The following ATP2C2 variants were observed in gnomAD, a reference collection of about 807,000 sequenced individuals.
ATP2C2 encodes the protein ATPase secretory pathway Ca2+ transporting 2.
ATP2C2 carries 171 observed loss-of-function variants against 110.8 expected under a neutral mutation model. The ratio of observed to expected loss-of-function variants is 1.54; its 90% CI spans 1.36 to 1.75. The LOEUF is 1.75. Ranked by LOEUF, ATP2C2 falls within the 40% of genes most tolerant of loss-of-function variation. The pLI, the probability that ATP2C2 is intolerant of heterozygous loss-of-function variation, is 0.00. For synonymous variants in ATP2C2, 804 were observed against 508.4 expected, an observed-to-expected ratio of 1.58 and a Z score of -7.82; for missense variants, 1,963 against 1,235.0, an observed-to-expected ratio of 1.59 and a Z score of -8.84.
At position 84,411,867 on chromosome 16, in the gene ATP2C2, C is replaced by T. The variant is rs562117943; in HGVS notation, c.515+1102C>T. Among the ~76,000 whole-genome samples the T allele has an allele frequency of 3.9e-5, 6 of 152,292 alleles. No homozygotes were observed. In the South Asian group the frequency reaches 1.2e-3, roughly 32 times the overall value. On this transcript the variant is annotated intron_variant, in intron 6 of 26. Transcript: ENST00000262429. ...CGGGGGCCCTTCTAGGAACAGCTGC[C>T]ATTGGTGGAGGAAGCTGACAGGCCC... is the stretch of plus-strand genomic sequence containing the variant.
At chr16:84,436,819 A>G (rs1157866312) in intron 11 of ATP2C2, among the ~76,000 whole-genome samples, 4 of 144,662 alleles carry the variant, frequency 2.8e-5, no homozygotes, top group African/African-American at 7.7e-5. Context: ...CTGGAGTGCA[A>G]TGGCACCATC....
intron 1 of ATP2C2, among the ~76,000 whole-genome samples, chr16:84,377,992 G>T (rs1043986328): frequency 2.0e-5 from 3 of 152,156 alleles, no homozygotes; most frequent in African/African-American, 7.2e-5. Flanking sequence ...AGAGAAGAGA[G>T]CTCAGCAGAG....
chr16:84,386,369 A>G (rs556969449), intron 1 of ATP2C2, among the ~76,000 whole-genome samples: 13 of 152,266 alleles, frequency 8.5e-5, no homozygotes, highest in Admixed American at 7.8e-4. Flanking sequence ...AGTTCTTTGT[A>G]TATTTTTAAC....
chr16:84,438,413 G>C (rs1416970432), intron 11 of ATP2C2, among the ~76,000 whole-genome samples: 1 of 152,146 alleles, frequency 6.6e-6, no homozygotes, highest in Non-Finnish European at 1.5e-5. Context: ...CAGCCAAAAG[G>C]GATAGAAAGA....
intron 10 of ATP2C2, 91 bp from the exon 11 acceptor site, chr16:84,425,644 G>C (rs1907742659): frequency 7.0e-7 from 1 of 1,427,694 alleles, no homozygotes; most frequent in Non-Finnish European, 9.9e-7. Context: ...ATGCATTCCT[G>C]TAAACTCTTT....
chr16:84,422,789 A>G lies in ATP2C2; in HGVS notation c.843+92A>G, dbSNP rs1235890033. The stretch of plus-strand genomic sequence containing the variant: ...TACCAGCCTTGCCTACTCCTTAGGA[A>G]TGAGTGGCATGTGGTTCATATGAGT... On this transcript the variant is annotated intron_variant, in intron 9 of 26. Coordinates refer to ENST00000262429, the MANE Select transcript of ATP2C2 (RefSeq NM_014861.4). 9.3e-6 allele frequency: 12 copies of G among 1,296,518 alleles called. 1 individual carries two copies. The highest frequency in any genetic ancestry group is 1.3e-5 in the Non-Finnish European group (12 of 934,506). The allele number at this position is 1,296,518 out of a possible 1,614,324, so 80.3% of individuals were successfully genotyped here.
chr16:84,432,427 C>T (rs1809826587), intron 11 of ATP2C2, among the ~76,000 whole-genome samples: 2 of 151,966 alleles, frequency 1.3e-5, no homozygotes, highest in Admixed American at 1.3e-4. Context: ...TAATGCTCTC[C>T]CCCGAACCCC....
chr16:84,452,391 C>A (rs1033276956), intron 18 of ATP2C2, among the ~76,000 whole-genome samples: 1 of 152,134 alleles, frequency 6.6e-6, no homozygotes, highest in Non-Finnish European at 1.5e-5. Context: ...TGTACAGTTT[C>A]AGTCTGCCTT....
At chr16:84,447,164 C>A (rs1009732182) in intron 16 of ATP2C2, among the ~76,000 whole-genome samples, 1 of 152,152 alleles carries the variant, frequency 6.6e-6, no homozygotes, top group African/African-American at 2.4e-5. Flanking sequence ...CCCACTCTTT[C>A]TAGAATCTAT....
In ATP2C2 at chr16:84,463,884, G is replaced by C; in HGVS notation, c.*152G>C. On this transcript the variant is annotated 3_prime_UTR_variant, in exon 27 of 27. Transcript: ENST00000262429. ...CTCTTAGGAAAGCTGCAGGAACCTC[G>C]TGGGCTCCAGGGACCCAGGCCCACA... is the stretch of plus-strand genomic sequence containing the variant. 3 of 694,818 alleles carry C rather than the reference G, an allele frequency of 4.3e-6. No individual in the cohort carries two copies. Among genetic ancestry groups the C allele is most frequent in the East Asian group, 2.6e-5 (1 of 38,618 alleles). The allele number at this position is 694,818 out of a possible 1,614,324, so 43.0% of individuals were successfully genotyped here. A position where few individuals can be genotyped will look rare whatever the true frequency, so the allele number is the denominator to read the frequency against.
intron 2 of ATP2C2, among the ~76,000 whole-genome samples, chr16:84,402,837 T>C (rs2150516279): frequency 6.6e-6 from 1 of 152,312 alleles, no homozygotes; most frequent in South Asian, 2.1e-4. Flanking sequence ...TCATCTGTTT[T>C]TTGGAATTAT....
At chr16:84,418,569 C>A (rs1047919269) in intron 7 of ATP2C2, among the ~76,000 whole-genome samples, 13 of 152,220 alleles carry the variant, frequency 8.5e-5, no homozygotes, top group African/African-American at 2.9e-4. Flanking sequence ...AAGAGACCAG[C>A]ACTGTTATTT....
intron 3 of ATP2C2, among the ~76,000 whole-genome samples, chr16:84,407,780 A>G (rs966036904): frequency 6.6e-6 from 1 of 152,096 alleles, no homozygotes; most frequent in Non-Finnish European, 1.5e-5. Context: ...CCTTGTTGAT[A>G]TTGTAACTCT....
At chr16:84,429,449 A>C (rs1438447532) in intron 11 of ATP2C2, among the ~76,000 whole-genome samples, 1 of 152,076 alleles carries the variant, frequency 6.6e-6, no homozygotes, top group Non-Finnish European at 1.5e-5. Flanking sequence ...CAGTGCTTCC[A>C]GCCTTCGTGG....
chr16:84,373,919 A>G (rs980667017), intron 1 of ATP2C2, among the ~76,000 whole-genome samples: 1 of 152,220 alleles, frequency 6.6e-6, no homozygotes, highest in African/African-American at 2.4e-5. Flanking sequence ...TGACATTTAC[A>G]TTTGTCAGGA....
rs1454201982 is a variant in ATP2C2 at position 84,453,133 on chromosome 16, T to G, written c.1832-5T>G. 2 of 1,605,896 alleles carry G rather than the reference T, an allele frequency of 1.2e-6. No homozygotes were observed. Among genetic ancestry groups the G allele is most frequent in the Non-Finnish European group, 1.7e-6 (2 of 1,175,920 alleles). ...AGCAGGCCCTCAGAACAGGTTCTTC[T>G]GAAGGAAGAAACATCGGCCTGTGCA... On this transcript the variant is annotated splice_region_variant and splice_polypyrimidine_tract_variant and intron_variant, in intron 18 of 26. Coordinates refer to ENST00000262429, the MANE Select transcript of ATP2C2 (RefSeq NM_014861.4).
chr16:84,442,232 C>T (rs1909328492), intron 14 of ATP2C2, among the ~76,000 whole-genome samples: 1 of 152,304 alleles, frequency 6.6e-6, no homozygotes. Flanking sequence ...GAAATGCCAT[C>T]ATCCCCATTA....
At chr16:84,451,142 C>T (rs183239673) in intron 17 of ATP2C2, among the ~76,000 whole-genome samples, 5 of 152,126 alleles carry the variant, frequency 3.3e-5, no homozygotes, top group Non-Finnish European at 7.3e-5. Context: ...AGGTGAAAGG[C>T]ACGTCTTACA....
intron 1 of ATP2C2, among the ~76,000 whole-genome samples, chr16:84,381,555 C>A (rs780118400): frequency 9.9e-5 from 15 of 151,796 alleles, no homozygotes; most frequent in African/African-American, 3.4e-4. Context: ...CCAGCCTGGA[C>A]GACAGAGCAA....
Sources: allele counts gnomAD v4.1 joint callset (sites outside exome capture counted in the v4.1 genomes callset), GRCh38; gene constraint gnomAD v4.1.1; transcripts MANE v1.5; gene names NCBI Gene and HGNC (gene_info 2026-07-23, HGNC 2026-07-21).